The following GRHL3 variants were observed in gnomAD, a reference collection of about 807,000 sequenced individuals.
GRHL3 encodes grainyhead-like protein 3 homolog.
In GRHL3, 20 loss-of-function variants were observed where a neutral mutation model predicts 70.3. That is an observed-to-expected ratio of 0.28 (90% CI 0.20 to 0.41). The LOEUF is 0.41. Among genes scored for constraint, GRHL3 ranks in the 10% least tolerant of loss-of-function variants. The pLI is 1.00. For synonymous variants in GRHL3, 299 were observed against 299.9 expected (o/e 1.00, Z 0.03); for missense variants, 637 against 762.3 (o/e 0.84, Z 1.94).
At position 24,331,546 on chromosome 1, in the gene GRHL3, C is replaced by T. The variant is rs1268997103; in HGVS notation, c.138C>T (p.Ala46=). ...LENPLTAATK[A]MMRVNGDDDS... is the part of the protein sequence containing the mutation. ...ACCCGTTGACAGCTGCCACAAAGGC[C>T]ATGATGAGAGTCAATGGAGATGATG... The change falls in exon 2 of 16, where the codon GCC becomes GCT. Residue 46 remains alanine (A), a synonymous_variant. Coordinates refer to ENST00000361548, the MANE Select transcript of GRHL3 (RefSeq NM_198173.3). The T allele has an allele frequency of 5.6e-6, 9 of 1,614,142 alleles. No homozygotes were observed. In the South Asian group the frequency reaches 9.9e-5, roughly 18 times the overall value.
downstream of GRHL3, chr1:24,357,885 G>A (rs1293260661): frequency 3.8e-5 from 12 of 315,538 alleles, no homozygotes; most frequent in Non-Finnish European, 6.2e-5. Context: ...CGCAGCCCCC[G>A]GGCCCGGCCA....
rs187756106 is a variant in GRHL3 at position 24,345,642 on chromosome 1, C to T, written c.1454+711C>T. On this transcript the variant is annotated intron_variant, in intron 12 of 15. Transcript: ENST00000361548. ...GGATGAAAACCCTCCATCTCCTTCC[C>T]CAACACACCCCCACTGGGGGGCCTA... 5.3e-4 allele frequency among the ~76,000 whole-genome samples: 81 copies of T among 152,292 alleles called. No homozygotes were observed. In the East Asian group the frequency reaches 0.016, roughly 29 times the overall value.
At chr1:24,337,881 T>C (rs1639884892) in intron 6 of GRHL3, 92 bp downstream of exon 6, 2 of 1,579,998 alleles carry the variant, frequency 1.3e-6, no homozygotes, top group African/African-American at 2.7e-5. Context: ...GAAAGGCTGT[T>C]TGATAATAGC....
At chr1:24,344,565 G>A (rs759951175) in intron 11 of GRHL3, among the ~76,000 whole-genome samples, 1 of 148,798 alleles carries the variant, frequency 6.7e-6, no homozygotes, top group South Asian at 2.1e-4. Context: ...CCTAGTTACC[G>A]GCCGCAGGAC....
At chr1:24,331,722 C>A in intron 2 of GRHL3, 110 bp downstream of exon 2, 1 of 883,488 alleles carries the variant, frequency 1.1e-6, no homozygotes, top group Non-Finnish European at 1.7e-6. Flanking sequence ...CATCTCTGGG[C>A]CTTTGCACAA....
At chr1:24,320,860 T>C (rs1639154652) in intron 1 of GRHL3, among the ~76,000 whole-genome samples, 1 of 152,210 alleles carries the variant, frequency 6.6e-6, no homozygotes. Context: ...CTTATAGCTG[T>C]GTGATGTTGA....
chr1:24,339,774 G>A lies in GRHL3; in HGVS notation c.1047+12G>A. 6.3e-7 allele frequency: 1 copy of A among 1,587,882 alleles called. No homozygotes were observed. The highest frequency in any genetic ancestry group is 8.6e-7 in the Non-Finnish European group (1 of 1,158,930). Reference sequence around the variant, plus strand: ...ATGAAGAGGCCAAGGTCAGTGCTGAGGGCAGTGGCTGGGATGGGACTGGGC... The same window carrying A: ...ATGAAGAGGCCAAGGTCAGTGCTGAAGGCAGTGGCTGGGATGGGACTGGGC... On this transcript the variant is annotated intron_variant, in intron 8 of 15. Coordinates refer to ENST00000361548, the MANE Select transcript of GRHL3 (RefSeq NM_198173.3).
chr1:24,356,661 T>G (rs1183156651), downstream of GRHL3, among the ~76,000 whole-genome samples: 1 of 152,206 alleles, frequency 6.6e-6, no homozygotes, highest in African/African-American at 2.4e-5. Flanking sequence ...GGTCATGATC[T>G]CTGTTGGTTG....
chr1:24,358,689 C>T, downstream of GRHL3: 1 of 1,285,512 alleles, frequency 7.8e-7, no homozygotes, highest in Non-Finnish European at 1.1e-6. Flanking sequence ...TGGCATTCTA[C>T]CTCAGAGCTG....
At chr1:24,353,660 G>T (rs980424332) in intron 15 of GRHL3, among the ~76,000 whole-genome samples, 2 of 152,140 alleles carry the variant, frequency 1.3e-5, no homozygotes. Context: ...GGAGAAGGTT[G>T]ATGTGATCAG....
chr1:24,329,931 C>T (rs1461162851), intron 1 of GRHL3, among the ~76,000 whole-genome samples: 1 of 152,150 alleles, frequency 6.6e-6, no homozygotes, highest in African/African-American at 2.4e-5. Context: ...GTGCAATAAC[C>T]AGTGATTCTT....
intron 1 of GRHL3, among the ~76,000 whole-genome samples, chr1:24,326,241 C>T (rs772299459): frequency 1.3e-5 from 2 of 152,202 alleles, no homozygotes; most frequent in African/African-American, 2.4e-5. Context: ...AGTAGGCGGA[C>T]AAGCTCTGGG....
chr1:24,340,037 C>T (rs1478412046), intron 8 of GRHL3, among the ~76,000 whole-genome samples: 1 of 152,150 alleles, frequency 6.6e-6, no homozygotes, highest in Non-Finnish European at 1.5e-5. Context: ...ATAGGAGTGG[C>T]ATCATAGTAC....
rs754386907 is a variant in GRHL3, at chr1:24,342,186, C to T, written c.1119C>T (p.Asn373=). ...AGGGGGTGAAGGGTGTCCCCCTGAA[C>T]CTGCAGATTGACACCTATGACTGTG... The part of the protein sequence containing the change: ...SQKGVKGVPL[N]LQIDTYDCGL... The change falls in exon 9 of 16, where the codon AAC becomes AAT. Residue 373 remains asparagine, a synonymous_variant. Coordinates refer to ENST00000361548, the MANE Select transcript of GRHL3 (RefSeq NM_198173.3). The surrounding 1 kb of genome is among the most constrained non-coding windows in gnomAD (Gnocchi z 4.8). 8 of 1,613,474 alleles carry T rather than the reference C, an allele frequency of 5.0e-6. No individual in the cohort carries two copies. In the East Asian group the frequency reaches 1.8e-4, roughly 36 times the overall value.
downstream of GRHL3, among the ~76,000 whole-genome samples, chr1:24,359,483 GC>G (rs1419523767): frequency 2.0e-5 from 3 of 152,206 alleles, no homozygotes; most frequent in African/African-American, 4.8e-5. This position sits in a 1 kb window ranked among gnomAD's most constrained non-coding sequence, Gnocchi z 5.3. Flanking sequence ...AACCTCTACA[GC>G]CTTGCTGGTG....
At position 24,322,319 on chromosome 1, in the gene GRHL3, A is replaced by C. The variant is rs61025971; in HGVS notation, c.17+2751A>C. On this transcript the variant is annotated intron_variant, in intron 1 of 15. Coordinates refer to ENST00000361548, the MANE Select transcript of GRHL3 (RefSeq NM_198173.3). The surrounding 1 kb of genome is among the most constrained non-coding windows in gnomAD (Gnocchi z 4.4). The stretch of plus-strand genomic sequence containing the variant: ...GGGGACTAGAACCGTCGCAGTCCTG[A>C]CCGCGGCCGCCGCCGCCGTTCTATC... 7.9e-3 allele frequency among the ~76,000 whole-genome samples: 1,196 copies of C among 151,916 alleles called. 9 individuals carry two copies. The highest frequency in any genetic ancestry group is 0.027 in the African/African-American group (1,117 of 41,414).
intron 8 of GRHL3, among the ~76,000 whole-genome samples, chr1:24,340,845 A>T (rs1030771292): frequency 6.6e-6 from 1 of 151,658 alleles, no homozygotes; most frequent in Non-Finnish European, 1.5e-5. Flanking sequence ...GGGTTCAGGG[A>T]GTGGGGAGTT....
chr1:24,345,661 G>A (rs747851686), intron 12 of GRHL3, among the ~76,000 whole-genome samples: 26 of 152,150 alleles, frequency 1.7e-4, no homozygotes, highest in Admixed American at 6.5e-4. Flanking sequence ...CCCCACTGGG[G>A]GGCCTAGCTG....
chr1:24,342,166 G>A lies in GRHL3; in HGVS notation c.1099G>A (p.Val367Met). 2.5e-6 allele frequency: 4 copies of A among 1,612,692 alleles called. No individual in the cohort carries two copies. The highest frequency in any genetic ancestry group is 3.4e-6 in the Non-Finnish European group (4 of 1,179,196). Residue 367 changes from valine (V) to methionine (M), a missense_variant, in exon 9 of 16, where the codon GTG (valine) becomes ATG (methionine). Coordinates refer to ENST00000361548, the MANE Select transcript of GRHL3 (RefSeq NM_198173.3). This position sits in a 1 kb window ranked among gnomAD's most constrained non-coding sequence, Gnocchi z 4.8. The part of the protein sequence containing the change: ...LSTDFSSQKG[V>M]KGVPLNLQID... The stretch of plus-strand genomic sequence containing the variant: ...CACAGACTTTTCCTCACAAAAGGGG[G>A]TGAAGGGTGTCCCCCTGAACCTGCA...
Sources: gnomAD v4.1 joint callset for allele counts (sites outside exome capture counted in the v4.1 genomes callset) on GRCh38, gnomAD v4.1.1 for gene constraint, Gnocchi (gnomAD v3.1) non-coding constraint, MANE v1.5 for transcripts, NCBI Gene and HGNC (gene_info 2026-07-23, HGNC 2026-07-21) for gene names.